The following CACNA1E variants were observed in gnomAD, a reference collection of about 807,000 sequenced individuals.
CACNA1E encodes calcium voltage-gated channel subunit alpha1 E, also known as voltage-dependent R-type calcium channel subunit alpha-1E.
A neutral mutation model predicts 259.2 loss-of-function variants in CACNA1E; 40 were observed. The observed-to-expected ratio is 0.15, with a 90% confidence interval of 0.12 to 0.20. The LOEUF (loss-of-function observed/expected upper bound fraction) is 0.20, where lower values mean the gene tolerates loss of function less well. Among genes scored for constraint, CACNA1E ranks in the 10% least tolerant of loss-of-function variants. The pLI is 1.00. For synonymous variants in CACNA1E, 1,104 were observed against 1,138.5 expected (o/e 0.97, Z 0.61); for missense variants, 1,874 against 3,040.1 (o/e 0.62, Z 9.02).
Position 181,800,816 on chromosome 1 carries a change from C to G in CACNA1E, c.*1982C>G, listed in dbSNP as rs1010857806. 1 of 152,802 alleles carries G rather than the reference C, an allele frequency of 6.5e-6. No homozygotes were observed. The highest frequency in any genetic ancestry group is 2.4e-5 in the African/African-American group (1 of 41,588). 9.5% of individuals were successfully genotyped at this position (152,802 alleles called of 1,614,324 possible). A position where few individuals can be genotyped will look rare whatever the true frequency, so the allele number is the denominator to read the frequency against. ...TGGAGAATCATTTGTCATGGCCCCG[C>G]CTTCTCTTCTGATACTAATGGAGCT... On this transcript the variant is annotated 3_prime_UTR_variant, in exon 48 of 48. Transcript: ENST00000367573.
At chr1:181,479,761 A>T (rs1270763531), upstream of CACNA1E, among the ~76,000 whole-genome samples, 2 of 152,232 alleles carry the variant, frequency 1.3e-5, no homozygotes, top group African/African-American at 4.8e-5. Context: ...CCTGAAGGGC[A>T]GCATGGGTTT....
chr1:181,415,483 G>A (rs1658198269), intron 2 of CACNA1E, among the ~76,000 whole-genome samples: 1 of 152,112 alleles, frequency 6.6e-6, no homozygotes, highest in African/African-American at 2.4e-5. Context: ...AGCACATGAA[G>A]GAGGTGAGAA....
In CACNA1E at chr1:181,332,912, A is replaced by G. The variant is rs79472119; in HGVS notation, c.-15+14789A>G. ...GGGTGGATCACCCTCGATCAAGGCT[A>G]TCCATCGTGAGTCAACCAGAAGAGG... On this transcript the variant is annotated intron_variant, in intron 1 of 11. Coordinates refer to the CACNA1E transcript ENST00000524607. 8.9e-3 allele frequency among the ~76,000 whole-genome samples: 1,352 copies of G among 152,292 alleles called. 25 individuals are homozygous for G. Among genetic ancestry groups the G allele is most frequent in the African/African-American group, 0.03 (1,264 of 41,552 alleles).
chr1:181,446,044 A>G (rs536077659), intron 2 of CACNA1E, among the ~76,000 whole-genome samples: 2 of 152,290 alleles, frequency 1.3e-5, no homozygotes, highest in African/African-American at 4.8e-5. Context: ...CCACCTGACA[A>G]CTTGCTTTCC....
chr1:181,390,208 C>T (rs543092182), intron 1 of CACNA1E, among the ~76,000 whole-genome samples: 69 of 152,306 alleles, frequency 4.5e-4, no homozygotes, highest in African/African-American at 1.3e-3. Context: ...ACAGGATCAG[C>T]GATGGCGCCA....
intron 6 of CACNA1E, among the ~76,000 whole-genome samples, chr1:181,612,366 G>A (rs1056919619): frequency 6.6e-6 from 1 of 152,330 alleles, no homozygotes. Context: ...GCCTGTGAGA[G>A]GGTGATGGGT....
rs34600959 is a variant in CACNA1E, at chr1:181,790,307, T to TTTA, written c.5787-138_5787-137insTTA. Reference sequence around the variant, plus strand: ...TTCTAGTGCTTTTTTTTTTTTTTTTTAATTTCAGGACTAGCCACATGTAAG... The same window carrying TTTA: ...TTCTAGTGCTTTTTTTTTTTTTTTTTTTAAATTTCAGGACTAGCCACATGTAAG... On this transcript the variant is annotated intron_variant, in intron 43 of 47. Transcript: ENST00000367573. 0.076 allele frequency: 33,037 copies of TTTA among 434,052 alleles called. 1,199 individuals carry two copies. Among genetic ancestry groups the TTTA allele is most frequent in the South Asian group, 0.14 (2,385 of 17,500 alleles). The allele number at this position is 434,052 out of a possible 1,614,324, so 26.9% of individuals were successfully genotyped here.
At chr1:181,441,905 G>A (rs142224093) in intron 2 of CACNA1E, among the ~76,000 whole-genome samples, 11 of 152,338 alleles carry the variant, frequency 7.2e-5, no homozygotes, top group Non-Finnish European at 1.6e-4. Context: ...CTGGGAGAGA[G>A]TGAGGGAAGA....
At chr1:181,440,731 G>A (rs1053464855) in intron 2 of CACNA1E, among the ~76,000 whole-genome samples, 13 of 151,988 alleles carry the variant, frequency 8.6e-5, no homozygotes, top group Admixed American at 7.9e-4. Context: ...GGGAGGCTGC[G>A]GTGGATCCAG....
chr1:181,331,311 G>A (rs12139587), intron 1 of CACNA1E, among the ~76,000 whole-genome samples: 27,500 of 152,070 alleles, frequency 0.18, 2,649 homozygotes, highest in South Asian at 0.21. Flanking sequence ...CGGAGGCTGA[G>A]AAGGCCCATC....
intron 6 of CACNA1E, among the ~76,000 whole-genome samples, chr1:181,611,636 C>A (rs1420127963): frequency 1.3e-5 from 2 of 151,966 alleles, no homozygotes; most frequent in East Asian, 3.9e-4. Flanking sequence ...AGGCCCTATC[C>A]CACTAGATAA....
At chr1:181,744,924 A>G (rs1656917459) in intron 25 of CACNA1E, among the ~76,000 whole-genome samples, 1 of 152,228 alleles carries the variant, frequency 6.6e-6, no homozygotes, top group Admixed American at 6.5e-5. Context: ...GGAAATTTCC[A>G]ACTGTAAGCA....
rs1018937137 is a variant in CACNA1E at position 181,515,057 on chromosome 1, T to C, written c.512+3547T>C. 2.0e-5 allele frequency among the ~76,000 whole-genome samples: 3 copies of C among 152,128 alleles called. No homozygotes were observed. In the East Asian group the frequency reaches 5.8e-4, roughly 29 times the overall value. On this transcript the variant is annotated intron_variant, in intron 3 of 47. Coordinates refer to ENST00000367573, the MANE Select transcript of CACNA1E (RefSeq NM_001205293.3). ...ACCACATCTCCTGGCTCCAAGTTCC[T>C]TCTTTCACTGACTTTTCCCCATACT...
At chr1:181,750,028 C>G (rs1002878793) in intron 25 of CACNA1E, among the ~76,000 whole-genome samples, 3 of 152,244 alleles carry the variant, frequency 2.0e-5, no homozygotes, top group Non-Finnish European at 2.9e-5. Context: ...GAATTTCTGG[C>G]CCAGAGTGGG....
In CACNA1E at chr1:181,732,606, G is replaced by A; in HGVS notation, c.2520G>A (p.Leu840=). ...PRAIEGLALG[L]ALEKFEEERI... is the part of the protein sequence containing the mutation. ...CCATTGAGGGCCTGGCCCTGGGCCT[G>A]GCCCTGGAGAAGTTCGAGGAGGAGC... is the stretch of plus-strand genomic sequence containing the variant. The change falls in exon 20 of 48, where the codon CTG becomes CTA. Residue 840 remains leucine, a synonymous_variant. Transcript: ENST00000367573. This position sits in a 1 kb window ranked among gnomAD's most constrained non-coding sequence, Gnocchi z 5.5. The A allele has an allele frequency of 6.7e-7, 1 of 1,493,426 alleles. No homozygotes were observed. The highest frequency in any genetic ancestry group is 8.9e-7 in the Non-Finnish European group (1 of 1,121,880). 92.5% of individuals were successfully genotyped at this position (1,493,426 alleles called of 1,614,324 possible). A position where few individuals can be genotyped will look rare whatever the true frequency, so the allele number is the denominator to read the frequency against.
At chr1:181,764,130 C>A (rs1287112789) in intron 34 of CACNA1E, among the ~76,000 whole-genome samples, 1 of 152,164 alleles carries the variant, frequency 6.6e-6, no homozygotes, top group African/African-American at 2.4e-5. Context: ...TTCCTCTGCA[C>A]AGTCTCGTGG....
intron 47 of CACNA1E, among the ~76,000 whole-genome samples, chr1:181,797,657 G>A (rs1376472984): frequency 1.3e-5 from 2 of 152,216 alleles, no homozygotes; most frequent in African/African-American, 4.8e-5. Context: ...CTCAGCAGGA[G>A]GTTCGTAGGT....
At chr1:181,449,033 C>T (rs1004953153) in intron 2 of CACNA1E, among the ~76,000 whole-genome samples, 3 of 152,160 alleles carry the variant, frequency 2.0e-5, no homozygotes, top group Non-Finnish European at 4.4e-5. Context: ...ATTGAGGGTG[C>T]AAGGAGATAG....
rs565286015 is a variant in CACNA1E, at chr1:181,487,449, A to G, written c.266+3439A>G. Among the ~76,000 whole-genome samples, 11 of 152,154 alleles carry G rather than the reference A, an allele frequency of 7.2e-5. No individual in the cohort carries two copies. The East Asian group carries it at 2.1e-3, about 29-fold the overall frequency. On this transcript the variant is annotated intron_variant, in intron 1 of 47. Transcript: ENST00000367573. ...AAAGATGGTGGCAAGTCAACAGCCT[A>G]CTCTGAATGTGTTTCATTTTTCTTG...
Sources: allele counts gnomAD v4.1 joint callset (sites outside exome capture counted in the v4.1 genomes callset), GRCh38; gene constraint gnomAD v4.1.1; non-coding constraint Gnocchi (gnomAD v3.1); transcripts MANE v1.5; gene names NCBI Gene and HGNC (gene_info 2026-07-23, HGNC 2026-07-21).